The following MAB21L4 variants were observed in gnomAD, a reference collection of about 807,000 sequenced individuals.
MAB21L4 encodes the protein protein mab-21-like 4.
A neutral mutation model predicts 32.4 loss-of-function variants in MAB21L4; 25 were observed. The observed-to-expected ratio is 0.77, with a 90% CI of 0.56 to 1.08. The LOEUF is 1.08. Ranked by LOEUF, MAB21L4 falls within the 50% of genes least tolerant of loss-of-function variation. The probability of loss-of-function intolerance (pLI) is 0.00; values close to 1 mark genes in which losing one functional copy is unlikely to be tolerated. For synonymous variants in MAB21L4, 280 were observed against 276.8 expected, an observed-to-expected ratio of 1.01 and a Z score of -0.11; for missense variants, 638 against 611.0, an observed-to-expected ratio of 1.04 and a Z score of -0.47.
Position 240,895,605 on chromosome 2 carries a change from G to A in MAB21L4, c.393C>T (p.Ala131=). 2 of 1,612,932 alleles carry A rather than the reference G, an allele frequency of 1.2e-6. No homozygotes were observed. Among genetic ancestry groups the A allele is most frequent in the East Asian group, 2.2e-5 (1 of 44,874 alleles). Residue 131 remains alanine, a synonymous_variant, in exon 1 of 5, where the codon GCC becomes GCT. Coordinates refer to ENST00000388934, the MANE Select transcript of MAB21L4 (RefSeq NM_001085437.3). Reference sequence around the variant, plus strand: ...GGCACTTGGCGTCACCCTCCGAGGAGGCAGTGAAGGTATCCTCGGTGGTCC... The same window carrying A: ...GGCACTTGGCGTCACCCTCCGAGGAAGCAGTGAAGGTATCCTCGGTGGTCC... ...ERWTTEDTFT[A]SSEGDAKCRG...
chr2:240,890,245 C>T (rs1261518018), intron 2 of MAB21L4, 87 bp from the exon 3 acceptor site: 2 of 1,492,064 alleles, frequency 1.3e-6, no homozygotes, highest in African/African-American at 2.8e-5. Flanking sequence ...GGTTCGGGCC[C>T]TGGCCAGGGT....
chr2:240,893,560 G>A lies in MAB21L4; in HGVS notation c.515-1797C>T, dbSNP rs576153416. On this transcript the variant is annotated intron_variant, in intron 1 of 4. Transcript: ENST00000388934. The stretch of plus-strand genomic sequence containing the variant: ...CAGCCCGGCCACAGGCCACAGCCCC[G>A]GGCTGGTCTCACCGGTTCCCAGGGT... 1.3e-3 allele frequency among the ~76,000 whole-genome samples: 204 copies of A among 152,342 alleles called. 2 individuals are homozygous for A. The highest frequency in any genetic ancestry group is 4.8e-3 in the African/African-American group (199 of 41,586).
chr2:240,889,842 C>G (rs2106438253), intron 3 of MAB21L4, among the ~76,000 whole-genome samples, 163 bp downstream of exon 3: 1 of 152,338 alleles, frequency 6.6e-6, no homozygotes, highest in East Asian at 1.9e-4. Context: ...GGAGCCACGG[C>G]CTCACCTCCT....
At position 240,886,994 on chromosome 2, in the gene MAB21L4, C is replaced by T; in HGVS notation, c.*76G>A. The T allele has an allele frequency of 1.7e-6, 2 of 1,170,982 alleles. No homozygotes were observed. The highest frequency in any genetic ancestry group is 2.5e-6 in the Non-Finnish European group (2 of 785,274). The allele number at this position is 1,170,982 out of a possible 1,614,324, so 72.5% of individuals were successfully genotyped here. A position where few individuals can be genotyped will look rare whatever the true frequency, so the allele number is the denominator to read the frequency against. ...GAAGCCCGTTTCTTCTTCCAAACAT[C>T]CCAGGAGCCTCCCATGGTGCAGTGC... On this transcript the variant is annotated 3_prime_UTR_variant, in exon 5 of 5. Coordinates refer to ENST00000388934, the MANE Select transcript of MAB21L4 (RefSeq NM_001085437.3).
chr2:240,887,346 T>C (rs901442663), intron 4 of MAB21L4, among the ~76,000 whole-genome samples, 184 bp from the exon 5 acceptor site: 1 of 152,224 alleles, frequency 6.6e-6, no homozygotes, highest in Non-Finnish European at 1.5e-5. Context: ...TGCTGCTCCC[T>C]GAGCCCCTCC....
At chr2:240,893,463 A>G (rs4278925) in intron 1 of MAB21L4, among the ~76,000 whole-genome samples, 24,135 of 152,202 alleles carry the variant, frequency 0.16, 2,191 homozygotes, top group Non-Finnish European at 0.2. Context: ...GTGGCCACAC[A>G]CCTCATCTGC....
At chr2:240,891,481 C>T in intron 2 of MAB21L4, 57 bp downstream of exon 2, 2 of 1,461,738 alleles carry the variant, frequency 1.4e-6, no homozygotes, top group Non-Finnish European at 1.9e-6. Flanking sequence ...AGCATGGGGG[C>T]AGTGGCCCCT....
At chr2:240,889,892 C>T (rs1159945903) in intron 3 of MAB21L4, 113 bp downstream of exon 3, 3 of 1,282,766 alleles carry the variant, frequency 2.3e-6, no homozygotes, top group African/African-American at 3.0e-5. Flanking sequence ...CCAACTCCGA[C>T]TTGGGACTCA....
intron 2 of MAB21L4, among the ~76,000 whole-genome samples, chr2:240,891,009 G>A (rs984805763): frequency 8.5e-5 from 13 of 152,224 alleles, no homozygotes; most frequent in East Asian, 1.9e-4. Context: ...TCCAGCAAGT[G>A]AGGCGGGGTG....
chr2:240,895,560 G>A lies in MAB21L4; in HGVS notation c.438C>T (p.Ser146=). ...DAKCRGHIVP[S]KVLCVLKDLL... Reference sequence around the variant, plus strand: ...GGTCCTTGAGGACACACAGGACCTTGCTGGGCACAATGTGTCCACGGCACT... The same window carrying A: ...GGTCCTTGAGGACACACAGGACCTTACTGGGCACAATGTGTCCACGGCACT... Residue 146 remains serine, a synonymous_variant, in exon 1 of 5, where the codon AGC becomes AGT. Transcript: ENST00000388934. The A allele has an allele frequency of 6.2e-7, 1 of 1,611,288 alleles. No individual in the cohort carries two copies. The highest frequency in any genetic ancestry group is 1.1e-5 in the South Asian group (1 of 90,716).
intron 4 of MAB21L4, 135 bp from the exon 5 acceptor site, chr2:240,887,297 C>T (rs2059104031): frequency 1.4e-6 from 1 of 689,778 alleles, no homozygotes; most frequent in Non-Finnish European, 2.5e-6. Flanking sequence ...CGGGTATCTG[C>T]CTGGACAGGC....
rs2106442398 is a variant in MAB21L4, at chr2:240,896,078, G to A, written c.-81C>T. The A allele has an allele frequency of 2.9e-6, 4 of 1,384,302 alleles. No homozygotes were observed. The highest frequency in any genetic ancestry group is 3.7e-6 in the Non-Finnish European group (4 of 1,076,844). 85.8% of individuals were successfully genotyped at this position (1,384,302 alleles called of 1,614,324 possible). A position where few individuals can be genotyped will look rare whatever the true frequency, so the allele number is the denominator to read the frequency against. On this transcript the variant is annotated 5_prime_UTR_variant, in exon 1 of 5. Coordinates refer to ENST00000388934, the MANE Select transcript of MAB21L4 (RefSeq NM_001085437.3). ...AGCTGTGCAGATGGGCTGTGAGGAG[G>A]CACCTGCCCAGGTGAGCAGCAGGTC... is the stretch of plus-strand genomic sequence containing the variant.
At chr2:240,890,365 C>T (rs1436908520) in intron 2 of MAB21L4, among the ~76,000 whole-genome samples, 1 of 152,210 alleles carries the variant, frequency 6.6e-6, no homozygotes, top group Non-Finnish European at 1.5e-5. Context: ...GACTCCCTGG[C>T]CCTGAATACG....
chr2:240,889,855 G>A (rs2059128423), intron 3 of MAB21L4, 150 bp downstream of exon 3: 1 of 958,898 alleles, frequency 1.0e-6, no homozygotes, highest in Non-Finnish European at 1.5e-6. Context: ...CACCTCCTCA[G>A]AACCTGGGCA....
rs1370287271 is a variant in MAB21L4, at chr2:240,887,064, C to T, written c.*6G>A. 3 of 1,612,832 alleles carry T rather than the reference C, an allele frequency of 1.9e-6. No homozygotes were observed. The highest frequency in any genetic ancestry group is 1.3e-5 in the African/African-American group (1 of 75,018). On this transcript the variant is annotated 3_prime_UTR_variant, in exon 5 of 5. Coordinates refer to ENST00000388934, the MANE Select transcript of MAB21L4 (RefSeq NM_001085437.3). The stretch of plus-strand genomic sequence containing the variant: ...AGAACAGGTGGCTGAGACCAGGTGG[C>T]CCAGCTCAGCTCTCCTCGCCTCCCA...
chr2:240,887,840 G>A (rs1184682116), intron 4 of MAB21L4, among the ~76,000 whole-genome samples: 3 of 152,160 alleles, frequency 2.0e-5, no homozygotes, highest in African/African-American at 7.2e-5. Context: ...AGGCACCCAC[G>A]AGAAGTGGCC....
At chr2:240,890,223 C>A in intron 2 of MAB21L4, 65 bp from the exon 3 acceptor site, 1 of 1,541,186 alleles carries the variant, frequency 6.5e-7, no homozygotes, top group South Asian at 1.2e-5. Context: ...TGGGGAGCTT[C>A]TGAGCCCCGG....
intron 1 of MAB21L4, among the ~76,000 whole-genome samples, chr2:240,894,018 G>C (rs1164637361): frequency 6.6e-6 from 1 of 152,002 alleles, no homozygotes; most frequent in Non-Finnish European, 1.5e-5. Context: ...ACTTACCCCA[G>C]GGCACTAGAC....
chr2:240,893,032 G>A (rs192752683), intron 1 of MAB21L4, among the ~76,000 whole-genome samples: 4 of 152,152 alleles, frequency 2.6e-5, no homozygotes, highest in South Asian at 2.1e-4. Context: ...CACGGCCCCC[G>A]CCTGACACTG....
Sources: allele counts gnomAD v4.1 joint callset (sites outside exome capture counted in the v4.1 genomes callset), GRCh38; gene constraint gnomAD v4.1.1; transcripts MANE v1.5; gene names NCBI Gene and HGNC (gene_info 2026-07-23, HGNC 2026-07-21).